The following PKP2 variants were observed in gnomAD, a reference collection of about 807,000 sequenced individuals.
The protein encoded by PKP2 is plakophilin-2.
A neutral mutation model predicts 83.4 loss-of-function variants in PKP2; 73 were observed. That is an observed-to-expected ratio of 0.88 (90% CI 0.72 to 1.06). The LOEUF is 1.06. PKP2 is among the 50% of genes least tolerant of loss of function. The probability of loss-of-function intolerance (pLI) is 0.00; values close to 1 mark genes in which losing one functional copy is unlikely to be tolerated. For synonymous variants in PKP2, 409 were observed against 430.4 expected (o/e 0.95, Z 0.62); for missense variants, 966 against 1,065.4 (o/e 0.91, Z 1.30).
At chr12:32,878,602 G>T (rs867689508) in intron 2 of PKP2, 59 bp from the exon 3 acceptor site, 2 of 1,345,098 alleles carry the variant, frequency 1.5e-6, no homozygotes, top group South Asian at 1.3e-5. Flanking sequence ...ACTTTGCTGA[G>T]GACTAATTAC....
At chr12:32,861,524 T>C (rs943895112) in intron 4 of PKP2, among the ~76,000 whole-genome samples, 3 of 152,100 alleles carry the variant, frequency 2.0e-5, no homozygotes, top group Non-Finnish European at 4.4e-5. Flanking sequence ...ATGTAAAGCA[T>C]AGGAATTGAA....
At chr12:32,797,773 A>T (rs529695311) in intron 10 of PKP2, among the ~76,000 whole-genome samples, 1 of 151,676 alleles carries the variant, frequency 6.6e-6, no homozygotes, top group African/African-American at 2.4e-5. Context: ...AGCCAGGATG[A>T]TCTTGATCTC....
chr12:32,807,086 C>T (rs539033032), intron 9 of PKP2, among the ~76,000 whole-genome samples: 9 of 152,190 alleles, frequency 5.9e-5, no homozygotes, highest in Non-Finnish European at 8.8e-5. Context: ...CTTATGATTT[C>T]GGTTCTTTTG....
Position 32,799,163 on chromosome 12 carries a change from C to T in PKP2, c.2168-2865G>A, listed in dbSNP as rs190902409. ...ATGGCATAAGAAAAATTTTTTGATA[C>T]GCCTCATACATATGAAAAAATGCTC... On this transcript the variant is annotated intron_variant, in intron 10 of 12. Coordinates refer to ENST00000340811, the MANE Select transcript of PKP2 (RefSeq NM_001005242.3). 4.4e-4 allele frequency among the ~76,000 whole-genome samples: 67 copies of T among 152,068 alleles called. No individual in the cohort carries two copies. The South Asian group carries it at 4.6e-3, about 10-fold the overall frequency.
At chr12:32,840,931 C>A in intron 6 of PKP2, 97 bp downstream of exon 6, 1 of 852,530 alleles carries the variant, frequency 1.2e-6, no homozygotes, top group Non-Finnish European at 2.0e-6. Flanking sequence ...AACTGTGTAA[C>A]TAGAAAAGAA....
chr12:32,845,320 G>A (rs1351311301), intron 5 of PKP2, among the ~76,000 whole-genome samples: 1 of 152,178 alleles, frequency 6.6e-6, no homozygotes, highest in Non-Finnish European at 1.5e-5. Flanking sequence ...GGGAGGCCGA[G>A]GGGGGCGGAT....
rs377424658 is a variant in PKP2 at position 32,843,273 on chromosome 12, G to A, written c.1379-2068C>T. The A allele has an allele frequency of 7.5e-5, 100 of 1,338,962 alleles. No individual in the cohort carries two copies. In the East Asian group the frequency reaches 2.6e-3, roughly 34 times the overall value. The allele number at this position is 1,338,962 out of a possible 1,614,324, so 82.9% of individuals were successfully genotyped here. A position where few individuals can be genotyped will look rare whatever the true frequency, so the allele number is the denominator to read the frequency against. On this transcript the variant is annotated intron_variant, in intron 5 of 12. Transcript: ENST00000340811. ...TGGGATTACAGGCGTGAGCCACCGCGCCCGGCCAGCCATTCCTACTTCTTA... is the reference window on the plus strand; with the variant it reads ...TGGGATTACAGGCGTGAGCCACCGCACCCGGCCAGCCATTCCTACTTCTTA...
At chr12:32,819,177 C>G (rs2137765518) in intron 9 of PKP2, among the ~76,000 whole-genome samples, 1 of 152,020 alleles carries the variant, frequency 6.6e-6, no homozygotes, top group South Asian at 2.1e-4. Flanking sequence ...ACTTGGGAGG[C>G]TGAGGCAGGA....
At chr12:32,832,448 G>C (rs1956509503) in intron 6 of PKP2, among the ~76,000 whole-genome samples, 1 of 151,984 alleles carries the variant, frequency 6.6e-6, no homozygotes, top group Non-Finnish European at 1.5e-5. Flanking sequence ...TATATCTAAA[G>C]TAACCAACAG....
Position 32,824,220 on chromosome 12 carries a change from T to C in PKP2, c.1557-58A>G, listed in dbSNP as rs975822531. ...TCTAGGCTGTGTATCCAACAGGTCT[T>C]TGTTTTGAAGTTTTACTTGATGCTT... On this transcript the variant is annotated intron_variant, in intron 6 of 12. Coordinates refer to ENST00000340811, the MANE Select transcript of PKP2 (RefSeq NM_001005242.3). 6 of 1,200,638 alleles carry C rather than the reference T, an allele frequency of 5.0e-6. No homozygotes were observed. In the African/African-American group the frequency reaches 7.4e-5, roughly 15 times the overall value. 74.4% of individuals were successfully genotyped at this position (1,200,638 alleles called of 1,614,324 possible).
At chr12:32,798,091 T>TTTG (rs1167412414) in intron 10 of PKP2, among the ~76,000 whole-genome samples, 1 of 147,900 alleles carries the variant, frequency 6.8e-6, no homozygotes, top group Non-Finnish European at 1.5e-5. Context: ...CTTGTTTTTT[T>TTTG]TTTTTTTTTG....
At position 32,878,288 on chromosome 12, in the gene PKP2, C is replaced by G; in HGVS notation, c.592G>C (p.Glu198Gln). The change falls in exon 3 of 13, where the codon GAG (glutamate) becomes CAG (glutamine). Residue 198 changes from glutamate (E) to glutamine (Q), a missense_variant. By Grantham distance (29) the Glu-to-Gln change is conservative. Coordinates refer to ENST00000340811, the MANE Select transcript of PKP2 (RefSeq NM_001005242.3). ...CCAGCACGGCTGACCCCCACGATCT[C>G]GGAACGAGCATATCTCGGTGGCACT... ...LLVPPRYARSEIVGVSRAGTT... is the reference protein window; with the variant it reads ...LLVPPRYARSQIVGVSRAGTT... The G allele has an allele frequency of 6.2e-7, 1 of 1,613,736 alleles. No homozygotes were observed.
rs1478657141 is a variant in PKP2, at chr12:32,824,154, C to A, written c.1565G>T (p.Ser522Ile). 1 of 1,608,840 alleles carries A rather than the reference C, an allele frequency of 6.2e-7. No homozygotes were observed. The highest frequency in any genetic ancestry group is 1.3e-5 in the African/African-American group (1 of 74,932). The change falls in exon 7 of 13, where the codon AGT (serine) becomes ATT (isoleucine). Residue 522 changes from serine (S) to isoleucine (I), a missense_variant. Coordinates refer to ENST00000340811, the MANE Select transcript of PKP2 (RefSeq NM_001005242.3). Reference sequence around the variant, plus strand: ...TTTTCTCCCATCAGCGCCAGCAGAACTCATGTTTCTATCAGAAAAAACAAA... The same window carrying A: ...TTTTCTCCCATCAGCGCCAGCAGAAATCATGTTTCTATCAGAAAAAACAAA... ...YNVTGCLRNM[S>I]SAGADGRKAM...
chr12:32,876,925 T>C (rs1485562645), intron 3 of PKP2, among the ~76,000 whole-genome samples: 2 of 152,218 alleles, frequency 1.3e-5, no homozygotes, highest in Non-Finnish European at 2.9e-5. Flanking sequence ...TCATAAAAAA[T>C]ATTTCCTGTG....
intron 4 of PKP2, chr12:32,863,193 TA>T: frequency 4.5e-6 from 1 of 221,364 alleles, no homozygotes; most frequent in African/African-American, 2.3e-5. Context: ...TTCTTAAAAT[TA>T]AAGGTGTTTA....
At chr12:32,848,216 A>G (rs181942161) in intron 5 of PKP2, among the ~76,000 whole-genome samples, 148 of 152,306 alleles carry the variant, frequency 9.7e-4, no homozygotes, top group Non-Finnish European at 1.6e-3. Flanking sequence ...TGAGGTCAGG[A>G]GCTCAAGACC....
intron 10 of PKP2, among the ~76,000 whole-genome samples, chr12:32,798,084 G>GTTTTTTTTT (rs10623676): frequency 5.6e-5 from 7 of 124,150 alleles, no homozygotes; most frequent in African/African-American, 1.8e-4. Context: ...TACTACTCTT[G>GTTTTTTTTT]TTTTTTTTTT....
intron 10 of PKP2, among the ~76,000 whole-genome samples, chr12:32,797,604 G>A (rs1482910951): frequency 7.0e-6 from 1 of 142,766 alleles, no homozygotes; most frequent in East Asian, 2.4e-4. Context: ...CACCCAGGCT[G>A]GAGTGCAGTG....
At chr12:32,809,907 T>G (rs919662492) in intron 9 of PKP2, among the ~76,000 whole-genome samples, 10 of 152,176 alleles carry the variant, frequency 6.6e-5, no homozygotes, top group African/African-American at 2.2e-4. Flanking sequence ...GATTGTTTAG[T>G]CAGTCCCAAT....
Sources: allele counts gnomAD v4.1 joint callset (sites outside exome capture counted in the v4.1 genomes callset), GRCh38; gene constraint gnomAD v4.1.1; transcripts MANE v1.5; gene names NCBI Gene and HGNC (gene_info 2026-07-23, HGNC 2026-07-21).